Variants in RBM28 observed in about 807,000 individuals in gnomAD.
The protein encoded by RBM28 is RNA-binding protein 28.
A neutral mutation model predicts 98.3 loss-of-function variants in RBM28; 78 were observed. The ratio of observed to expected loss-of-function variants is 0.79; its 90% CI spans 0.66 to 0.96. The LOEUF is 0.96. RBM28 is among the 40% of genes least tolerant of loss of function. The pLI is 0.00. For synonymous variants in RBM28, 306 were observed against 330.9 expected (o/e 0.92, Z 0.82); for missense variants, 838 against 913.0 (o/e 0.92, Z 1.06).
At chr7:128,333,998 C>T (rs935504557) in intron 8 of RBM28, among the ~76,000 whole-genome samples, 4 of 152,188 alleles carry the variant, frequency 2.6e-5, no homozygotes, top group African/African-American at 9.7e-5. Flanking sequence ...CAATCACACA[C>T]AAATTATAAA....
At chr7:128,314,728 C>G in intron 17 of RBM28, 36 bp downstream of exon 17, 1 of 1,614,108 alleles carries the variant, frequency 6.2e-7, no homozygotes, top group Non-Finnish European at 8.5e-7. Context: ...TTAGAACCCA[C>G]CCACTGTTCT....
Position 128,321,418 on chromosome 7 carries a change from G to A in RBM28, c.1411C>T (p.Leu471=). ...ADMAKRERFE[L]LKHQKLKDQN... is the part of the protein sequence containing the mutation. ...TCCTTGAGTTTCTGATGCTTCAGCA[G>A]CTCAAACTGAAAGAACAACCAATGG... is the stretch of plus-strand genomic sequence containing the variant. Residue 471 remains leucine (L), a synonymous_variant, in exon 14 of 19, where the codon CTG becomes TTG. Coordinates refer to ENST00000223073, the MANE Select transcript of RBM28 (RefSeq NM_018077.3). The A allele has an allele frequency of 6.2e-7, 1 of 1,614,116 alleles. No homozygotes were observed. The highest frequency in any genetic ancestry group is 1.7e-5 in the Admixed American group (1 of 60,002).
intron 9 of RBM28, 104 bp downstream of exon 9, chr7:128,333,186 T>A (rs1228922209): frequency 2.3e-6 from 2 of 878,334 alleles, no homozygotes; most frequent in Non-Finnish European, 1.9e-6. Context: ...GTGCTTGATC[T>A]AATTTCTGGG....
In RBM28 at chr7:128,304,599, G is replaced by C. The variant is rs1337178358; in HGVS notation, c.*6198C>G. On this transcript the variant is annotated 3_prime_UTR_variant, in exon 19 of 19. Coordinates refer to ENST00000223073, the MANE Select transcript of RBM28 (RefSeq NM_018077.3). ...CCCAGGGAGGTTTTCCATCTTGCTG[G>C]TTTGGTGAGGGAGGCTGCTTTCAGA... 6.6e-6 allele frequency: 1 copy of C among 152,408 alleles called. No individual in the cohort carries two copies. Among genetic ancestry groups the C allele is most frequent in the African/African-American group, 2.4e-5 (1 of 41,438 alleles). The allele number at this position is 152,408 out of a possible 1,614,324, so 9.4% of individuals were successfully genotyped here.
chr7:128,310,582 G>A lies in RBM28; in HGVS notation c.*215C>T. The A allele has an allele frequency of 1.7e-6, 1 of 599,678 alleles. No individual in the cohort carries two copies. Among genetic ancestry groups the A allele is most frequent in the Non-Finnish European group, 3.0e-6 (1 of 337,348 alleles). The allele number at this position is 599,678 out of a possible 1,614,324, so 37.1% of individuals were successfully genotyped here. A position where few individuals can be genotyped will look rare whatever the true frequency, so the allele number is the denominator to read the frequency against. ...CTGGATAATATGCAAGAAGCATCAT[G>A]TTGACTTTCAGATATTTCTCTTTGT... On this transcript the variant is annotated 3_prime_UTR_variant, in exon 19 of 19. Transcript: ENST00000223073.
chr7:128,337,100 C>T (rs750945389), intron 6 of RBM28, 31 bp downstream of exon 6: 3 of 1,606,024 alleles, frequency 1.9e-6, no homozygotes, highest in Admixed American at 1.7e-5. Context: ...TTATACAACG[C>T]CCCTACTCAC....
chr7:128,321,347 G>A lies in RBM28; in HGVS notation c.1482C>T (p.Leu494=). Residue 494 remains leucine (L), a synonymous_variant, in exon 14 of 19, where the codon CTC becomes CTT. Transcript: ENST00000223073. ...VSRTRLCLHN[L]PKAVDDKQLR... is the part of the protein sequence containing the mutation. ...GCTGTTTGTCATCTACAGCCTTTGG[G>A]AGATTGTGCAGGCAGAGCCTGGTTC... 6.2e-7 allele frequency: 1 copy of A among 1,614,222 alleles called. No homozygotes were observed.
chr7:128,333,205 C>G (rs1440895891), intron 9 of RBM28, 85 bp downstream of exon 9: 2 of 1,106,186 alleles, frequency 1.8e-6, no homozygotes, highest in Non-Finnish European at 2.8e-6. Context: ...GGCTAGGTAA[C>G]AGAACTAGTG....
At chr7:128,324,514 AC>A in intron 12 of RBM28, 44 bp downstream of exon 12, 1 of 1,613,602 alleles carries the variant, frequency 6.2e-7, no homozygotes, top group East Asian at 2.2e-5. Flanking sequence ...TGATTATGGC[AC>A]AGGGCCAGGT....
At chr7:128,340,764 C>A (rs1447965293) in intron 1 of RBM28, among the ~76,000 whole-genome samples, 1 of 152,208 alleles carries the variant, frequency 6.6e-6, no homozygotes, top group East Asian at 1.9e-4. Flanking sequence ...TCAAATTAAA[C>A]CTTTCCAAAG....
chr7:128,343,483 G>C (rs1176137552), intron 1 of RBM28, among the ~76,000 whole-genome samples, 193 bp downstream of exon 1: 1 of 152,194 alleles, frequency 6.6e-6, no homozygotes, highest in Non-Finnish European at 1.5e-5. Context: ...CTATAGAAAC[G>C]TAAGGGAATG....
rs12850 is a variant in RBM28 at position 128,310,672 on chromosome 7, G to C, written c.*125C>G. ...GATGTACACAGTCCAGGGCACCTCC[G>C]AGCACAGTGGCAGTGCCCTTGGGGA... On this transcript the variant is annotated 3_prime_UTR_variant, in exon 19 of 19. Transcript: ENST00000223073. The C allele has an allele frequency of 7.7e-7, 1 of 1,306,964 alleles. No homozygotes were observed. Among genetic ancestry groups the C allele is most frequent in the Admixed American group, 1.7e-5 (1 of 59,390 alleles). 81.0% of individuals were successfully genotyped at this position (1,306,964 alleles called of 1,614,324 possible).
chr7:128,321,466 T>C (rs1156491194), intron 13 of RBM28, 42 bp from the exon 14 acceptor site: 1 of 1,610,764 alleles, frequency 6.2e-7, no homozygotes, highest in Non-Finnish European at 8.5e-7. Context: ...CCCACTCTTT[T>C]TAAGAGGTAG....
At chr7:128,313,599 A>G (rs1796036812) in intron 17 of RBM28, among the ~76,000 whole-genome samples, 1 of 152,192 alleles carries the variant, frequency 6.6e-6, no homozygotes, top group Non-Finnish European at 1.5e-5. Flanking sequence ...ACTGCACTCT[A>G]GCCTGGGCAA....
At chr7:128,329,888 C>CAAAAAAAAAAA (rs398006204) in intron 10 of RBM28, among the ~76,000 whole-genome samples, 19 of 101,616 alleles carry the variant, frequency 1.9e-4, no homozygotes, top group African/African-American at 6.7e-4. Context: ...GACTCCGTCT[C>CAAAAAAAAAAA]AAAAAAAAAA....
At position 128,298,946 on chromosome 7, in the gene RBM28, G is replaced by C. The variant is rs988157198; in HGVS notation, c.*11851C>G. Reference sequence around the variant, plus strand: ...GAGGATCACTAGAGCCCAGGAGGTCGAGGCTGCAGTGACCTGTGATTACAC... The same window carrying C: ...GAGGATCACTAGAGCCCAGGAGGTCCAGGCTGCAGTGACCTGTGATTACAC... On this transcript the variant is annotated 3_prime_UTR_variant, in exon 19 of 19. Coordinates refer to ENST00000223073, the MANE Select transcript of RBM28 (RefSeq NM_018077.3). The C allele has an allele frequency of 3.3e-5, 5 of 151,466 alleles. No individual in the cohort carries two copies. In the East Asian group the frequency reaches 7.7e-4, roughly 23 times the overall value. The allele number at this position is 151,466 out of a possible 1,614,324, so 9.4% of individuals were successfully genotyped here. A position where few individuals can be genotyped will look rare whatever the true frequency, so the allele number is the denominator to read the frequency against.
intron 17 of RBM28, among the ~76,000 whole-genome samples, chr7:128,314,508 T>C (rs1168806910): frequency 6.6e-6 from 1 of 152,224 alleles, no homozygotes; most frequent in Non-Finnish European, 1.5e-5. Flanking sequence ...GAGATGGCCA[T>C]CTGGACAAGA....
intron 10 of RBM28, among the ~76,000 whole-genome samples, chr7:128,330,103 T>C (rs1199995101): frequency 7.9e-5 from 12 of 151,994 alleles, no homozygotes; most frequent in Non-Finnish European, 2.9e-5. Flanking sequence ...GTTTTCCTTC[T>C]AACGGCTGAC....
intron 16 of RBM28, among the ~76,000 whole-genome samples, chr7:128,315,870 G>A (rs1218003921): frequency 6.6e-6 from 1 of 152,162 alleles, no homozygotes; most frequent in Non-Finnish European, 1.5e-5. Flanking sequence ...GAAGAAAAAT[G>A]ACATAGGTCA....
Sources: gnomAD v4.1 joint callset for allele counts (sites outside exome capture counted in the v4.1 genomes callset) on GRCh38, gnomAD v4.1.1 for gene constraint, MANE v1.5 for transcripts, NCBI Gene and HGNC (gene_info 2026-07-23, HGNC 2026-07-21) for gene names.